Variants in SNAP91 observed in about 807,000 individuals in gnomAD.
SNAP91 encodes clathrin coat assembly protein AP180.
Under a neutral mutation model 100.3 loss-of-function variants are expected in SNAP91, and 27 were observed. The ratio of observed to expected loss-of-function variants is 0.27; its 90% confidence interval spans 0.20 to 0.37. SNAP91 has a LOEUF of 0.37. SNAP91 is among the 10% of genes least tolerant of loss of function. The probability of loss-of-function intolerance (pLI) is 1.00; values close to 1 mark genes in which losing one functional copy is unlikely to be tolerated. For missense variants in SNAP91, 986 were observed against 1,123.7 expected (o/e 0.88, Z 1.75); for synonymous variants, 404 against 398.6 (o/e 1.01, Z -0.16).
At chr6:83,599,106 A>C (rs2094858153) in intron 16 of SNAP91, among the ~76,000 whole-genome samples, 1 of 152,228 alleles carries the variant, frequency 6.6e-6, no homozygotes, top group South Asian at 2.1e-4. Context: ...TTAAAGCTAC[A>C]AAGAATGCCA....
At chr6:83,579,508 T>C (rs1824898139) in intron 24 of SNAP91, among the ~76,000 whole-genome samples, 1 of 152,240 alleles carries the variant, frequency 6.6e-6, no homozygotes, top group Admixed American at 6.5e-5. Flanking sequence ...AAGAAGTCTG[T>C]ATCGTGATTT....
intron 26 of SNAP91, among the ~76,000 whole-genome samples, chr6:83,570,560 G>A (rs370570879): frequency 7.2e-6 from 1 of 138,758 alleles, no homozygotes; most frequent in African/African-American, 2.7e-5. Context: ...GGGTGGCGGG[G>A]GGGGAAGTGG....
intron 2 of SNAP91, among the ~76,000 whole-genome samples, chr6:83,696,666 C>T (rs180920956): frequency 9.9e-5 from 15 of 152,260 alleles, no homozygotes; most frequent in South Asian, 8.3e-4. Context: ...ACTTTAAGTA[C>T]CCTTCATTCT....
intron 2 of SNAP91, among the ~76,000 whole-genome samples, chr6:83,671,004 C>T (rs138666250): frequency 4.3e-4 from 65 of 151,840 alleles, no homozygotes; most frequent in Non-Finnish European, 8.8e-4. Context: ...TTTGTATTTC[C>T]GTATGAGTTT....
At position 83,582,216 on chromosome 6, in the gene SNAP91, C is replaced by T. The variant is rs754355476; in HGVS notation, c.2149+6G>A. 3.1e-6 allele frequency: 5 copies of T among 1,613,186 alleles called. No homozygotes were observed. In the African/African-American group the frequency reaches 6.7e-5, roughly 22 times the overall value. ...TGAAAAGAATGTTTGAAAGTCACTGCCTCACCTGATGGATCAAAGGAGCTG... is the reference window on the plus strand; with the variant it reads ...TGAAAAGAATGTTTGAAAGTCACTGTCTCACCTGATGGATCAAAGGAGCTG... On this transcript the variant is annotated splice_donor_region_variant and intron_variant, in intron 23 of 29. Transcript: ENST00000369694.
At chr6:83,628,271 ATAGG>A (rs1311601053) in intron 8 of SNAP91, among the ~76,000 whole-genome samples, 1 of 144,338 alleles carries the variant, frequency 6.9e-6, no homozygotes, top group African/African-American at 2.6e-5. Context: ...CCATTCATTG[ATAGG>A]TAGGCATTTT....
intron 20 of SNAP91, among the ~76,000 whole-genome samples, 163 bp downstream of exon 20, chr6:83,592,783 T>C (rs1286216098): frequency 6.6e-6 from 1 of 152,232 alleles, no homozygotes; most frequent in Non-Finnish European, 1.5e-5. Flanking sequence ...AAATTTGAAA[T>C]ATTAACCCTC....
At chr6:83,694,961 C>T (rs979742967) in intron 2 of SNAP91, among the ~76,000 whole-genome samples, 2 of 151,980 alleles carry the variant, frequency 1.3e-5, no homozygotes, top group African/African-American at 4.8e-5. Flanking sequence ...TATGGGCGTA[C>T]ACATACTTTA....
intron 26 of SNAP91, among the ~76,000 whole-genome samples, chr6:83,572,540 C>T (rs1318853347): frequency 6.6e-6 from 1 of 152,288 alleles, no homozygotes; most frequent in South Asian, 2.1e-4. Flanking sequence ...GCATGAGCCA[C>T]CGTGCCCAGC....
In SNAP91 at chr6:83,671,681, A is replaced by G. The variant is rs535546779; in HGVS notation, c.131-6100T>C. On this transcript the variant is annotated intron_variant, in intron 2 of 29. Coordinates refer to ENST00000369694, the MANE Select transcript of SNAP91 (RefSeq NM_001242792.2). The stretch of plus-strand genomic sequence containing the variant: ...TGAGATTTTCATAAACAAGAGAATG[A>G]AGGAAATAGGTATAAGCAGAAAGAC... Among the ~76,000 whole-genome samples, 6 of 152,238 alleles carry G rather than the reference A, an allele frequency of 3.9e-5. No individual in the cohort carries two copies. The South Asian group carries it at 1.2e-3, about 32-fold the overall frequency.
At chr6:83,703,160 T>G (rs544736775) in intron 2 of SNAP91, among the ~76,000 whole-genome samples, 12 of 144,456 alleles carry the variant, frequency 8.3e-5, no homozygotes, top group South Asian at 4.3e-4. Flanking sequence ...GAGGGTGTGT[T>G]TTTTTTTTTT....
At chr6:83,700,294 A>T (rs1266446817) in intron 2 of SNAP91, among the ~76,000 whole-genome samples, 1 of 152,078 alleles carries the variant, frequency 6.6e-6, no homozygotes, top group Non-Finnish European at 1.5e-5. Context: ...TTAAAGGAAA[A>T]ACTGATACAA....
Position 83,592,501 on chromosome 6 carries a change from G to A in SNAP91, c.1884C>T (p.Ala628=). The A allele has an allele frequency of 6.2e-7, 1 of 1,611,378 alleles. No homozygotes were observed. Among genetic ancestry groups the A allele is most frequent in the Non-Finnish European group, 8.5e-7 (1 of 1,178,812 alleles). ...AFAAPSPATT[A]SPAKVDSSGV... is the part of the protein sequence containing the mutation. ...CTGAAGAATCCACCTTTGCTGGCGAGGCAGTGGTTGCAGGAGATGGTGCTG... is the reference window on the plus strand; with the variant it reads ...CTGAAGAATCCACCTTTGCTGGCGAAGCAGTGGTTGCAGGAGATGGTGCTG... The change falls in exon 21 of 30, where the codon GCC becomes GCT. Residue 628 remains alanine, a synonymous_variant. Coordinates refer to ENST00000369694, the MANE Select transcript of SNAP91 (RefSeq NM_001242792.2).
intron 8 of SNAP91, among the ~76,000 whole-genome samples, chr6:83,625,856 G>C (rs1436600742): frequency 6.6e-6 from 1 of 151,978 alleles, no homozygotes; most frequent in Non-Finnish European, 1.5e-5. Context: ...AGTTTCTTTT[G>C]CTGTGCAGCT....
intron 2 of SNAP91, among the ~76,000 whole-genome samples, chr6:83,697,405 CATCTAAT>C (rs1220902594): frequency 4.0e-5 from 6 of 150,360 alleles, no homozygotes; most frequent in Non-Finnish European, 7.4e-5. Flanking sequence ...AATACTTAAC[CATCTAAT>C]ATCTAACAGT....
intron 7 of SNAP91, among the ~76,000 whole-genome samples, chr6:83,655,914 T>G (rs1482150474): frequency 6.6e-6 from 1 of 152,200 alleles, no homozygotes; most frequent in Non-Finnish European, 1.5e-5. Context: ...AAATTTGGTT[T>G]AGAGATGGTT....
Position 83,565,922 on chromosome 6 carries a change from C to G in SNAP91, c.2443-4975G>C, listed in dbSNP as rs79937418. ...TGGCAGTTCCTCAAAAGTTAAACATCGACTTACACATGACCCAGAGTTCTA... is the reference window on the plus strand; with the variant it reads ...TGGCAGTTCCTCAAAAGTTAAACATGGACTTACACATGACCCAGAGTTCTA... On this transcript the variant is annotated intron_variant, in intron 26 of 29. Transcript: ENST00000369694. Among the ~76,000 whole-genome samples, 130 of 152,162 alleles carry G rather than the reference C, an allele frequency of 8.5e-4. 1 individual carries two copies. The highest frequency in any genetic ancestry group is 2.7e-3 in the African/African-American group (112 of 41,530).
intron 26 of SNAP91, among the ~76,000 whole-genome samples, chr6:83,561,191 T>G (rs1786988155): frequency 6.6e-6 from 1 of 152,116 alleles, no homozygotes; most frequent in Admixed American, 6.5e-5. Context: ...CATGGGCACA[T>G]GCTGCCATGG....
At chr6:83,611,678 AT>A (rs1418327227) in intron 11 of SNAP91, among the ~76,000 whole-genome samples, 1 of 151,674 alleles carries the variant, frequency 6.6e-6, no homozygotes, top group African/African-American at 2.4e-5. Context: ...ATTTAACAGT[AT>A]TATATGCCAA....
Sources: allele counts gnomAD v4.1 joint callset (sites outside exome capture counted in the v4.1 genomes callset), GRCh38; gene constraint gnomAD v4.1.1; transcripts MANE v1.5; gene names NCBI Gene and HGNC (gene_info 2026-07-23, HGNC 2026-07-21).